The following PHACTR1 variants were observed in gnomAD, a reference collection of about 807,000 sequenced individuals.
PHACTR1 encodes phosphatase and actin regulator 1, also known as RPEL repeat containing 1.
Under a neutral mutation model 69.2 loss-of-function variants are expected in PHACTR1, and 16 were observed. The ratio of observed to expected loss-of-function variants is 0.23; its 90% CI spans 0.16 to 0.35. PHACTR1 has a LOEUF of 0.35. PHACTR1 is among the 10% of genes least tolerant of loss of function. The probability of loss-of-function intolerance (pLI) is 1.00; values close to 1 mark genes in which losing one functional copy is unlikely to be tolerated. For synonymous variants in PHACTR1, 312 were observed against 284.5 expected, an observed-to-expected ratio of 1.10 and a Z score of -0.97; for missense variants, 510 against 734.7, an observed-to-expected ratio of 0.69 and a Z score of 3.54.
chr6:12,989,721 G>C (rs1243780207), intron 4 of PHACTR1, among the ~76,000 whole-genome samples: 1 of 152,126 alleles, frequency 6.6e-6, no homozygotes, highest in African/African-American at 2.4e-5. Flanking sequence ...CCAGAGTTTT[G>C]GTCTCCACAG....
chr6:13,199,459 AC>A (rs1265134808), intron 7 of PHACTR1, among the ~76,000 whole-genome samples: 6 of 150,530 alleles, frequency 4.0e-5, no homozygotes, highest in Non-Finnish European at 8.9e-5. Context: ...AGCCTGATCT[AC>A]CCAATTCCCT....
At chr6:13,278,531 TTTGA>T (rs1234684611) in intron 12 of PHACTR1, among the ~76,000 whole-genome samples, 11 of 152,244 alleles carry the variant, frequency 7.2e-5, no homozygotes, top group Admixed American at 7.2e-4. Context: ...CTCAATGTTG[TTTGA>T]TTTTGTGACA....
intron 5 of PHACTR1, among the ~76,000 whole-genome samples, chr6:13,080,853 G>T (rs189998343): frequency 2.0e-4 from 31 of 152,130 alleles, no homozygotes; most frequent in African/African-American, 6.5e-4. Flanking sequence ...TCCTACGAAA[G>T]AACTTTTCGT....
At chr6:12,737,906 G>A (rs955222359) in intron 3 of PHACTR1, among the ~76,000 whole-genome samples, 1 of 152,184 alleles carries the variant, frequency 6.6e-6, no homozygotes, top group Non-Finnish European at 1.5e-5. Flanking sequence ...AGTGGGAATA[G>A]TGTCTTCCAT....
At chr6:13,005,494 G>A (rs1798679347) in intron 4 of PHACTR1, among the ~76,000 whole-genome samples, 1 of 152,034 alleles carries the variant, frequency 6.6e-6, no homozygotes, top group Non-Finnish European at 1.5e-5. Flanking sequence ...GCTACAAACT[G>A]TTATATTAAT....
intron 4 of PHACTR1, chr6:12,933,866 C>A (rs768225872): frequency 1.2e-6 from 2 of 1,612,554 alleles, no homozygotes; most frequent in Non-Finnish European, 1.7e-6. Flanking sequence ...GGTTTGGCTG[C>A]CTTTAGAGGG....
At chr6:13,171,096 C>T (rs567716913) in intron 6 of PHACTR1, among the ~76,000 whole-genome samples, 7 of 152,194 alleles carry the variant, frequency 4.6e-5, no homozygotes, top group Non-Finnish European at 8.8e-5. Context: ...GCTATGGTCT[C>T]CACCAGCCAC....
rs180850739 is a variant in PHACTR1 at position 13,086,917 on chromosome 6, T to C, written c.415+33388T>C. On this transcript the variant is annotated intron_variant, in intron 5 of 14. Coordinates refer to ENST00000332995, the MANE Select transcript of PHACTR1 (RefSeq NM_030948.6). ...ATAGAGTTTCAGTGGCTCTGTATTC[T>C]TGTCAACACTTGGTATTATCCATTC... Among the ~76,000 whole-genome samples, 959 of 152,188 alleles carry C rather than the reference T, an allele frequency of 6.3e-3. 12 individuals are homozygous for C. The highest frequency in any genetic ancestry group is 0.022 in the African/African-American group (916 of 41,538).
rs1036768517 is a variant in PHACTR1 at position 13,245,055 on chromosome 6, C to T, written c.1391+14862C>T. On this transcript the variant is annotated intron_variant, in intron 10 of 14. Transcript: ENST00000332995. The surrounding 1 kb of genome is among the most constrained non-coding windows in gnomAD (Gnocchi z 4.1). ...TCTTCTGCCATGGTTTCAGCCGGTC[C>T]CTCTGTTTGGGGTCCCTGACTTCCC... 6.6e-6 allele frequency among the ~76,000 whole-genome samples: 1 copy of T among 152,220 alleles called. No individual in the cohort carries two copies. The highest frequency in any genetic ancestry group is 6.5e-5 in the Admixed American group (1 of 15,288).
chr6:13,005,158 C>T (rs1423980713), intron 4 of PHACTR1, among the ~76,000 whole-genome samples: 1 of 151,490 alleles, frequency 6.6e-6, no homozygotes, highest in South Asian at 2.1e-4. Context: ...TGCTATGAAC[C>T]TGAATGGGTT....
intron 5 of PHACTR1, among the ~76,000 whole-genome samples, chr6:13,118,138 A>G (rs964150702): frequency 6.6e-6 from 1 of 152,240 alleles, no homozygotes; most frequent in East Asian, 1.9e-4. Context: ...TAAAATGGAA[A>G]TGGATTGTAA....
intron 5 of PHACTR1, among the ~76,000 whole-genome samples, chr6:13,060,153 T>C (rs906440282): frequency 1.3e-5 from 2 of 152,084 alleles, no homozygotes; most frequent in Non-Finnish European, 2.9e-5. Flanking sequence ...TTTAATACCA[T>C]GAAGTCAAGT....
At chr6:13,079,712 A>G (rs1033753273) in intron 5 of PHACTR1, among the ~76,000 whole-genome samples, 5 of 152,112 alleles carry the variant, frequency 3.3e-5, no homozygotes, top group African/African-American at 4.8e-5. Flanking sequence ...AGGTTGCATT[A>G]TGTACCAATC....
chr6:12,853,655 C>T (rs1246589716), intron 4 of PHACTR1, among the ~76,000 whole-genome samples: 2 of 152,184 alleles, frequency 1.3e-5, no homozygotes. Context: ...GTGCAAGGCT[C>T]CTCTTCACAG....
intron 4 of PHACTR1, among the ~76,000 whole-genome samples, chr6:12,915,323 A>G (rs1243388757): frequency 2.0e-5 from 3 of 152,080 alleles, no homozygotes; most frequent in Non-Finnish European, 2.9e-5. Context: ...CCTGGGCAAC[A>G]TGGCAAAACC....
intron 4 of PHACTR1, among the ~76,000 whole-genome samples, chr6:12,902,581 A>G (rs904727831): frequency 7.2e-5 from 11 of 152,068 alleles, no homozygotes; most frequent in African/African-American, 2.7e-4. Flanking sequence ...ATCAACAAAC[A>G]GTGTCCCAGT....
intron 4 of PHACTR1, among the ~76,000 whole-genome samples, chr6:12,836,649 C>A (rs909533197): frequency 6.6e-6 from 1 of 152,152 alleles, no homozygotes; most frequent in Non-Finnish European, 1.5e-5. Context: ...GCCTGCAGCA[C>A]ATTCAGCATT....
chr6:13,093,923 G>T (rs1030719653), intron 5 of PHACTR1, among the ~76,000 whole-genome samples: 1 of 152,158 alleles, frequency 6.6e-6, no homozygotes, highest in Non-Finnish European at 1.5e-5. Flanking sequence ...CCGGGCTGGG[G>T]TGCAGTGGTG....
At position 12,798,494 on chromosome 6, in the gene PHACTR1, C is replaced by G. The variant is rs570332379; in HGVS notation, c.250+48704C>G. Among the ~76,000 whole-genome samples the G allele has an allele frequency of 2.0e-5, 3 of 152,236 alleles. No individual in the cohort carries two copies. In the South Asian group the frequency reaches 6.2e-4, roughly 32 times the overall value. On this transcript the variant is annotated intron_variant, in intron 4 of 14. Coordinates refer to ENST00000332995, the MANE Select transcript of PHACTR1 (RefSeq NM_030948.6). Reference sequence around the variant, plus strand: ...AAGGCATTCCAGACTCAAGGAACAGCCTAGACAGCACTACTTAAGTCTTAA... The same window carrying G: ...AAGGCATTCCAGACTCAAGGAACAGGCTAGACAGCACTACTTAAGTCTTAA...
Sources: gnomAD v4.1 joint callset for allele counts (sites outside exome capture counted in the v4.1 genomes callset) on GRCh38, gnomAD v4.1.1 for gene constraint, Gnocchi (gnomAD v3.1) non-coding constraint, MANE v1.5 for transcripts, NCBI Gene and HGNC (gene_info 2026-07-23, HGNC 2026-07-21) for gene names.